Variants in ERP44 observed in about 807,000 individuals in gnomAD.
ERP44 encodes the protein endoplasmic reticulum resident protein 44.
ERP44 carries 25 observed loss-of-function variants against 53.4 expected under a neutral mutation model. The ratio of observed to expected loss-of-function variants is 0.47; its 90% CI spans 0.34 to 0.65. ERP44 has a LOEUF of 0.65. ERP44 is among the 30% of genes least tolerant of loss of function. ERP44 has a pLI of 0.01. For missense variants in ERP44, 338 were observed against 493.2 expected (o/e 0.69, Z 2.98); for synonymous variants, 145 against 161.2 (o/e 0.90, Z 0.76).
intron 4 of ERP44, among the ~76,000 whole-genome samples, chr9:100,047,729 A>G (rs1825989740): frequency 6.6e-6 from 1 of 152,246 alleles, no homozygotes. Flanking sequence ...AAAATACATA[A>G]GATAGACCAC....
intron 4 of ERP44, among the ~76,000 whole-genome samples, chr9:100,032,088 G>T (rs1825797447): frequency 6.6e-6 from 1 of 152,256 alleles, no homozygotes; most frequent in South Asian, 2.1e-4. Flanking sequence ...TGAGAGATAA[G>T]ACTCCCATGG....
chr9:99,980,057 TTA>T lies in ERP44; in HGVS notation c.*2553_*2554del. The T allele has an allele frequency of 2.5e-6, 1 of 398,554 alleles. No individual in the cohort carries two copies. The highest frequency in any genetic ancestry group is 4.4e-6 in the Non-Finnish European group (1 of 226,012). 24.7% of individuals were successfully genotyped at this position (398,554 alleles called of 1,614,324 possible). On this transcript the variant is annotated 3_prime_UTR_variant, in exon 12 of 12. Transcript: ENST00000262455. ...AGGCTGTTTCATACCTTTGCTCAGATTATTCCCTCTCAGCCAGATCCCTACCT... is the reference window on the plus strand; with the variant it reads ...AGGCTGTTTCATACCTTTGCTCAGATTTCCCTCTCAGCCAGATCCCTACCT...
chr9:99,983,757 C>A (rs1047848052), intron 11 of ERP44, among the ~76,000 whole-genome samples: 3 of 152,220 alleles, frequency 2.0e-5, no homozygotes, highest in South Asian at 2.1e-4. Context: ...TATCATTTGA[C>A]TTTATCATGT....
At chr9:100,097,234 T>G (rs1482306721) in intron 1 of ERP44, among the ~76,000 whole-genome samples, 1 of 152,198 alleles carries the variant, frequency 6.6e-6, no homozygotes, top group East Asian at 1.9e-4. Flanking sequence ...CCAAAATAAA[T>G]TATTTCTTCT....
chr9:100,043,799 C>T (rs563942168), intron 4 of ERP44, among the ~76,000 whole-genome samples: 1 of 151,926 alleles, frequency 6.6e-6, no homozygotes, highest in African/African-American at 2.4e-5. Flanking sequence ...AAATATACAC[C>T]CTACTATGTA....
At chr9:100,047,172 G>T (rs1825980735) in intron 4 of ERP44, among the ~76,000 whole-genome samples, 2 of 152,132 alleles carry the variant, frequency 1.3e-5, no homozygotes, top group South Asian at 4.1e-4. Context: ...GAAAATCTTT[G>T]TGATCCTGTG....
At chr9:100,066,277 GA>G (rs1826208890) in intron 1 of ERP44, among the ~76,000 whole-genome samples, 1 of 152,114 alleles carries the variant, frequency 6.6e-6, no homozygotes, top group Non-Finnish European at 1.5e-5. Flanking sequence ...TGTGCTTTTA[GA>G]AAAATGTAGA....
At position 100,022,127 on chromosome 9, in the gene ERP44, A is replaced by C; in HGVS notation, c.386T>G (p.Val129Gly). ...CCTGATGTAATCTGCCAATGCTTTC[A>C]CTGATCGCTGACCCCTGTATTCTCT... Reference protein sequence around the residue: ...MKREYRGQRSVKALADYIRQQ... With the variant: ...MKREYRGQRSGKALADYIRQQ... Residue 129 changes from valine to glycine, a missense_variant, in exon 5 of 12, where the codon GTG becomes GGG. This residue lies in a region of ERP44 where 224 missense variants were observed against 301.4 expected (regional missense o/e 0.74). Coordinates refer to ENST00000262455, the MANE Select transcript of ERP44 (RefSeq NM_015051.3). 6.2e-7 allele frequency: 1 copy of C among 1,613,992 alleles called. No individual in the cohort carries two copies. Among genetic ancestry groups the C allele is most frequent in the Non-Finnish European group, 8.5e-7 (1 of 1,179,932 alleles).
intron 4 of ERP44, among the ~76,000 whole-genome samples, chr9:100,044,683 C>A (rs551789306): frequency 1.3e-5 from 2 of 152,254 alleles, no homozygotes; most frequent in African/African-American, 4.8e-5. Flanking sequence ...CTGTATACTG[C>A]AGATTTCTAG....
intron 1 of ERP44, among the ~76,000 whole-genome samples, chr9:100,090,468 G>C (rs976893964): frequency 1.3e-5 from 2 of 152,128 alleles, no homozygotes; most frequent in African/African-American, 2.4e-5. Context: ...AACAAAACAG[G>C]CCTGGCACAG....
At chr9:100,010,688 G>C (rs1253429143) in intron 8 of ERP44, among the ~76,000 whole-genome samples, 4 of 152,020 alleles carry the variant, frequency 2.6e-5, no homozygotes, top group Non-Finnish European at 4.4e-5. Flanking sequence ...GATCACCTGA[G>C]GTCAGAGTTC....
At chr9:100,083,781 A>G (rs1529192) in intron 1 of ERP44, among the ~76,000 whole-genome samples, 102,951 of 152,072 alleles carry the variant, frequency 0.68, 36,073 homozygotes, top group East Asian at 0.91. Context: ...TAGCTACTCC[A>G]ATCTATAGAG....
rs920156225 is a variant in ERP44, at chr9:100,098,908, A to T, written c.-68T>A. On this transcript the variant is annotated 5_prime_UTR_variant, in exon 1 of 12. Coordinates refer to ENST00000262455, the MANE Select transcript of ERP44 (RefSeq NM_015051.3). ...GGACTGGGCTAGGTTGGGTTGGGTT[A>T]GGAAAGGGCTGGGCTCCGGGAGCCG... 37 of 1,372,204 alleles carry T rather than the reference A, an allele frequency of 2.7e-5. No individual in the cohort carries two copies. Among genetic ancestry groups the T allele is most frequent in the Non-Finnish European group, 3.6e-5 (35 of 967,010 alleles). 85.0% of individuals were successfully genotyped at this position (1,372,204 alleles called of 1,614,324 possible).
chr9:100,062,211 T>C (rs1254102065), intron 1 of ERP44, among the ~76,000 whole-genome samples: 5 of 152,232 alleles, frequency 3.3e-5, no homozygotes, highest in Non-Finnish European at 7.3e-5. Flanking sequence ...TTTTTCCCAC[T>C]TCTTTGGGTT....
At chr9:99,997,644 A>C (rs1240542640) in intron 10 of ERP44, among the ~76,000 whole-genome samples, 1 of 152,182 alleles carries the variant, frequency 6.6e-6, no homozygotes, top group African/African-American at 2.4e-5. Context: ...CCATGGTTTA[A>C]ACCGTAATGG....
At chr9:100,007,933 G>A (rs1162268081) in intron 8 of ERP44, among the ~76,000 whole-genome samples, 1 of 152,190 alleles carries the variant, frequency 6.6e-6, no homozygotes, top group African/African-American at 2.4e-5. Flanking sequence ...TGCAGAAACT[G>A]ATCTGCCCCC....
At chr9:100,096,508 T>C (rs1395007683) in intron 1 of ERP44, among the ~76,000 whole-genome samples, 2 of 152,118 alleles carry the variant, frequency 1.3e-5, no homozygotes, top group Non-Finnish European at 2.9e-5. Context: ...CAGAGTGATA[T>C]ATTCCAAAAT....
intron 4 of ERP44, among the ~76,000 whole-genome samples, chr9:100,051,552 T>C (rs1365165061): frequency 6.6e-6 from 1 of 152,036 alleles, no homozygotes; most frequent in Non-Finnish European, 1.5e-5. Context: ...GACACAGAGA[T>C]TAATAAGTGG....
chr9:100,026,900 A>C (rs1830659364), intron 4 of ERP44, among the ~76,000 whole-genome samples: 1 of 152,218 alleles, frequency 6.6e-6, no homozygotes, highest in African/African-American at 2.4e-5. Flanking sequence ...CTGTGTCCTA[A>C]GTATCAGTAT....
Sources: gnomAD v4.1 joint callset for allele counts (sites outside exome capture counted in the v4.1 genomes callset) on GRCh38, gnomAD v4.1.1 for gene constraint, gnomAD v4.1.1 regional missense constraint, MANE v1.5 for transcripts, NCBI Gene and HGNC (gene_info 2026-07-23, HGNC 2026-07-21) for gene names.